The following CNTFR variants were observed in gnomAD, a reference collection of about 807,000 sequenced individuals.
CNTFR encodes the protein ciliary neurotrophic factor receptor.
A neutral mutation model predicts 40.4 loss-of-function variants in CNTFR; 12 were observed. That is an observed-to-expected ratio of 0.30 (90% CI 0.19 to 0.48). The LOEUF (loss-of-function observed/expected upper bound fraction) is 0.48, where lower values mean the gene tolerates loss of function less well. Among genes scored for constraint, CNTFR ranks in the 20% least tolerant of loss-of-function variants. The probability of loss-of-function intolerance (pLI) is 0.99; values close to 1 mark genes in which losing one functional copy is unlikely to be tolerated. For missense variants in CNTFR, 414 were observed against 506.8 expected, an observed-to-expected ratio of 0.82 and a Z score of 1.76; for synonymous variants, 202 against 209.6, an observed-to-expected ratio of 0.96 and a Z score of 0.31.
chr9:34,570,297 G>A (rs1476581264), intron 2 of CNTFR, among the ~76,000 whole-genome samples: 1 of 152,014 alleles, frequency 6.6e-6, no homozygotes, highest in East Asian at 1.9e-4. Context: ...ACAGGTAGAT[G>A]AAACCAGATA....
chr9:34,552,407 T>G lies in CNTFR; in HGVS notation c.950-78A>C. On this transcript the variant is annotated intron_variant, in intron 8 of 9. Coordinates refer to ENST00000378980, the MANE Select transcript of CNTFR (RefSeq NM_147164.3). This position sits in a 1 kb window ranked among gnomAD's most constrained non-coding sequence, Gnocchi z 5.1. The stretch of plus-strand genomic sequence containing the variant: ...ATCTGGGGGCTCATGAGACATACCA[T>G]TCTGCTTCCTGCATCAGACTGGTAC... 2 of 1,393,682 alleles carry G rather than the reference T, an allele frequency of 1.4e-6. No individual in the cohort carries two copies. Among genetic ancestry groups the G allele is most frequent in the Non-Finnish European group, 9.6e-7 (1 of 1,040,678 alleles). The allele number at this position is 1,393,682 out of a possible 1,614,324, so 86.3% of individuals were successfully genotyped here. A position where few individuals can be genotyped will look rare whatever the true frequency, so the allele number is the denominator to read the frequency against.
intron 2 of CNTFR, among the ~76,000 whole-genome samples, chr9:34,578,232 G>A (rs1179382580): frequency 2.0e-5 from 3 of 152,220 alleles, no homozygotes; most frequent in Non-Finnish European, 4.4e-5. Context: ...CCGGGCAAGC[G>A]GGCCGGGAGG....
In CNTFR at chr9:34,551,642, A is replaced by C. The variant is rs1263925207; in HGVS notation, c.*429T>G. 1.5e-4 allele frequency: 48 copies of C among 318,130 alleles called. No individual in the cohort carries two copies. Among genetic ancestry groups the C allele is most frequent in the Non-Finnish European group, 1.0e-4 (17 of 167,814 alleles). The allele number at this position is 318,130 out of a possible 1,614,324, so 19.7% of individuals were successfully genotyped here. A position where few individuals can be genotyped will look rare whatever the true frequency, so the allele number is the denominator to read the frequency against. On this transcript the variant is annotated 3_prime_UTR_variant, in exon 10 of 10. Coordinates refer to ENST00000378980, the MANE Select transcript of CNTFR (RefSeq NM_147164.3). The stretch of plus-strand genomic sequence containing the variant: ...ACTGAAAATTGTGGGTGCTGGGGGG[A>C]GGGGGATGGCTGGGCCCCCCCAGCA...
rs184670508 is a variant in CNTFR, at chr9:34,568,931, G to A, written c.51C>T (p.Ala17=). The part of the protein sequence containing the change: ...WACCAVLAAA[A]AVVYAQRHSP... ...TGTGTCTCTGGGCGTAGACAACTGCGGCGGCGGCGGCAAGCACAGCACAGC... is the reference window on the plus strand; with the variant it reads ...TGTGTCTCTGGGCGTAGACAACTGCAGCGGCGGCGGCAAGCACAGCACAGC... The change falls in exon 3 of 10, where the codon GCC becomes GCT. Residue 17 remains alanine, a synonymous_variant. Transcript: ENST00000378980. 45 of 1,597,974 alleles carry A rather than the reference G, an allele frequency of 2.8e-5. No homozygotes were observed. Among genetic ancestry groups the A allele is most frequent in the East Asian group, 1.6e-4 (7 of 44,048 alleles).
chr9:34,569,038 C>T (rs1201117324), intron 2 of CNTFR, 57 bp from the exon 3 acceptor site: 1 of 1,477,190 alleles, frequency 6.8e-7, no homozygotes, highest in African/African-American at 1.4e-5. Flanking sequence ...CAGGACTGTC[C>T]TGGGGAGCCC....
In CNTFR at chr9:34,564,746, G is replaced by A. The variant is rs767106678; in HGVS notation, c.172C>T (p.Arg58Trp). The A allele has an allele frequency of 9.9e-6, 16 of 1,613,980 alleles. No individual in the cohort carries two copies. The highest frequency in any genetic ancestry group is 3.3e-5 in the South Asian group (3 of 91,072). Residue 58 changes from arginine to tryptophan, a missense_variant, in exon 4 of 10, where the codon CGG becomes TGG. Physicochemically the swap from Arg to Trp is moderately radical, Grantham distance 101 (BLOSUM62 -3). Around this residue, in one of 3 missense-constraint regions of CNTFR, gnomAD observed 250 missense variants for 269.5 expected, o/e 0.93. Coordinates refer to ENST00000378980, the MANE Select transcript of CNTFR (RefSeq NM_147164.3). ...GGGGCCAGGTCTGTCCCATTTACCC[G>A]CCACGTCACCGCAGCATCCCAGTTT... ...TANWDAAVTW[R>W]VNGTDLAPDL...
At chr9:34,585,190 A>T (rs1827486251) in intron 1 of CNTFR, among the ~76,000 whole-genome samples, 1 of 152,202 alleles carries the variant, frequency 6.6e-6, no homozygotes, top group Non-Finnish European at 1.5e-5. Context: ...GTCTGTGCCA[A>T]GGGCAGGCAG....
rs142403485 is a variant in CNTFR, at chr9:34,560,737, G to C, written c.320-2753C>G. Among the ~76,000 whole-genome samples the C allele has an allele frequency of 3.3e-3, 510 of 152,388 alleles. 2 individuals are homozygous for C. The highest frequency in any genetic ancestry group is 0.012 in the African/African-American group (486 of 41,594). The stretch of plus-strand genomic sequence containing the variant: ...ACACGGCATCTGGGTTGCCCCTTGT[G>C]GGGGCTCTTGAGACACCCAAGTGAC... On this transcript the variant is annotated intron_variant, in intron 4 of 9. Coordinates refer to ENST00000378980, the MANE Select transcript of CNTFR (RefSeq NM_147164.3).
chr9:34,579,259 G>GTTAC (rs1827165221), intron 2 of CNTFR, among the ~76,000 whole-genome samples: 1 of 151,856 alleles, frequency 6.6e-6, no homozygotes, highest in African/African-American at 2.4e-5. Flanking sequence ...GATTAATGGG[G>GTTAC]TTACGGGCTT....
At chr9:34,581,270 G>A (rs1377177333) in intron 1 of CNTFR, 65 bp from the exon 2 acceptor site, 1 of 152,436 alleles carries the variant, frequency 6.6e-6, no homozygotes. Flanking sequence ...CCAACTCAGA[G>A]GCCATTCCAT....
intron 3 of CNTFR, among the ~76,000 whole-genome samples, chr9:34,566,208 C>T (rs971797230): frequency 1.3e-5 from 2 of 152,108 alleles, no homozygotes; most frequent in African/African-American, 2.4e-5. Flanking sequence ...ACATCTGTCC[C>T]GGTTTGCTGC....
At chr9:34,572,896 A>T (rs934562401) in intron 2 of CNTFR, among the ~76,000 whole-genome samples, 1 of 152,186 alleles carries the variant, frequency 6.6e-6, no homozygotes, top group Non-Finnish European at 1.5e-5. Flanking sequence ...ATGCAATGAG[A>T]CTCAGTCACA....
upstream of CNTFR, chr9:34,590,101 CA>C (rs1473491950): frequency 2.0e-5 from 3 of 153,074 alleles, no homozygotes; most frequent in Non-Finnish European, 4.4e-5. Flanking sequence ...GGCGCGCCCT[CA>C]AGACGGCTGT....
chr9:34,560,955 G>A (rs1337449771), intron 4 of CNTFR, among the ~76,000 whole-genome samples: 3 of 152,318 alleles, frequency 2.0e-5, no homozygotes, highest in South Asian at 4.1e-4. Context: ...CCCCCGGCAC[G>A]CATGAGGCCT....
At position 34,554,941 on chromosome 9, in the gene CNTFR, C is replaced by T. The variant is rs114108488; in HGVS notation, c.768+1314G>A. Reference sequence around the variant, plus strand: ...GCATGTTCTCGCCACGGAGCCTGCACACTTTGCTTCTCCCACCTCAGTGTG... The same window carrying T: ...GCATGTTCTCGCCACGGAGCCTGCATACTTTGCTTCTCCCACCTCAGTGTG... On this transcript the variant is annotated intron_variant, in intron 7 of 9. Coordinates refer to ENST00000378980, the MANE Select transcript of CNTFR (RefSeq NM_147164.3). Among the ~76,000 whole-genome samples the T allele has an allele frequency of 3.3e-3, 504 of 152,360 alleles. 3 individuals carry two copies. Among genetic ancestry groups the T allele is most frequent in the African/African-American group, 0.011 (474 of 41,584 alleles).
rs1045761205 is a variant in CNTFR at position 34,572,015 on chromosome 9, G to T, written c.1-3034C>A. 2.0e-5 allele frequency among the ~76,000 whole-genome samples: 3 copies of T among 152,190 alleles called. No homozygotes were observed. In the East Asian group the frequency reaches 5.8e-4, roughly 30 times the overall value. On this transcript the variant is annotated intron_variant, in intron 2 of 9. Coordinates refer to ENST00000378980, the MANE Select transcript of CNTFR (RefSeq NM_147164.3). ...CCACCCTAGAGCATCTCCGTGGCCTGCCCAGCTCCTCTAGCACAATGGAGG... is the reference window on the plus strand; with the variant it reads ...CCACCCTAGAGCATCTCCGTGGCCTTCCCAGCTCCTCTAGCACAATGGAGG...
intron 4 of CNTFR, among the ~76,000 whole-genome samples, chr9:34,559,576 T>G (rs967521634): frequency 1.3e-5 from 2 of 152,056 alleles, no homozygotes; most frequent in African/African-American, 4.8e-5. Context: ...GTGCCTTTAG[T>G]GTCTCTTCCC....
At chr9:34,571,766 G>A (rs936253729) in intron 2 of CNTFR, among the ~76,000 whole-genome samples, 2 of 152,048 alleles carry the variant, frequency 1.3e-5, no homozygotes, top group Non-Finnish European at 2.9e-5. Context: ...CTGCAGGGTT[G>A]GGGGCACCCA....
chr9:34,552,618 C>T lies in CNTFR; in HGVS notation c.949+56G>A. The T allele has an allele frequency of 6.4e-7, 1 of 1,562,856 alleles. No individual in the cohort carries two copies. The highest frequency in any genetic ancestry group is 8.7e-7 in the Non-Finnish European group (1 of 1,153,392). ...GCAGGGTAGAACCAGGCCACAGGTT[C>T]TACCACAGGCCTCCAGGACAGCAAA... On this transcript the variant is annotated intron_variant, in intron 8 of 9. Transcript: ENST00000378980. The surrounding 1 kb of genome is among the most constrained non-coding windows in gnomAD (Gnocchi z 5.1).
Sources: allele counts gnomAD v4.1 joint callset (sites outside exome capture counted in the v4.1 genomes callset), GRCh38; gene constraint gnomAD v4.1.1; regional missense constraint gnomAD v4.1.1; non-coding constraint Gnocchi (gnomAD v3.1); transcripts MANE v1.5; gene names NCBI Gene and HGNC (gene_info 2026-07-23, HGNC 2026-07-21).